Variants in GPR137B observed in about 807,000 individuals in gnomAD.
GPR137B encodes integral membrane protein GPR137B.
A neutral mutation model predicts 42.5 loss-of-function variants in GPR137B; 42 were observed. The observed-to-expected ratio is 0.99, with a 90% CI of 0.77 to 1.28. The LOEUF (loss-of-function observed/expected upper bound fraction) is 1.28. GPR137B is among the 50% of genes most tolerant of loss of function. The probability of loss-of-function intolerance (pLI) is 0.00; values close to 1 mark genes in which losing one functional copy is unlikely to be tolerated. For synonymous variants in GPR137B, 218 were observed against 209.7 expected, an observed-to-expected ratio of 1.04 and a Z score of -0.34; for missense variants, 487 against 493.9, an observed-to-expected ratio of 0.99 and a Z score of 0.13.
At chr1:236,159,244 A>C (rs190705901) in intron 1 of GPR137B, among the ~76,000 whole-genome samples, 1 of 152,284 alleles carries the variant, frequency 6.6e-6, no homozygotes, top group Admixed American at 6.5e-5. Context: ...GCCCAGGAAG[A>C]TGGAGGCTGC....
intron 4 of GPR137B, among the ~76,000 whole-genome samples, chr1:236,180,861 C>T (rs1424753380): frequency 6.6e-6 from 1 of 152,106 alleles, no homozygotes; most frequent in African/African-American, 2.4e-5. Context: ...AGGTGATCCA[C>T]CTGCCTCGGC....
intron 1 of GPR137B, 35 bp downstream of exon 1, chr1:236,143,071 T>G: frequency 6.4e-7 from 1 of 1,558,762 alleles, no homozygotes; most frequent in Non-Finnish European, 8.7e-7. Context: ...GGCGCTCACC[T>G]GGCGGGGTGG....
chr1:236,207,595 T>C (rs1663700728), intron 6 of GPR137B, among the ~76,000 whole-genome samples: 1 of 152,232 alleles, frequency 6.6e-6, no homozygotes, highest in Non-Finnish European at 1.5e-5. Context: ...ATTAACTATA[T>C]ATTAGACACT....
rs1287239635 is a variant in GPR137B at position 236,150,493 on chromosome 1, C to T, written c.414+7457C>T. 6.6e-6 allele frequency among the ~76,000 whole-genome samples: 1 copy of T among 152,174 alleles called. No individual in the cohort carries two copies. Among genetic ancestry groups the T allele is most frequent in the African/African-American group, 2.4e-5 (1 of 41,426 alleles). ...TTCTCTCTGCAGCTGAGGCTGTGAC[C>T]GCATCAGTGCCTCGGTGATGCCCTG... is the stretch of plus-strand genomic sequence containing the variant. On this transcript the variant is annotated intron_variant, in intron 1 of 6. Transcript: ENST00000366592. This position sits in a 1 kb window ranked among gnomAD's most constrained non-coding sequence, Gnocchi z 6.2.
Position 236,155,979 on chromosome 1 carries a change from ACG to A in GPR137B, c.415-12717_415-12716del, listed in dbSNP as rs1173726472. 6.6e-6 allele frequency among the ~76,000 whole-genome samples: 1 copy of A among 152,146 alleles called. No individual in the cohort carries two copies. The highest frequency in any genetic ancestry group is 2.4e-5 in the African/African-American group (1 of 41,430). ...CACAAACGCACACACATGCACACAC[ACG>A]CGCGCGCGCAAACACACATGCATAC... On this transcript the variant is annotated intron_variant, in intron 1 of 6. Coordinates refer to ENST00000366592, the MANE Select transcript of GPR137B (RefSeq NM_003272.4). The surrounding 1 kb of genome is among the most constrained non-coding windows in gnomAD (Gnocchi z 4.6).
Position 236,191,273 on chromosome 1 carries a change from A to C in GPR137B, c.966+7367A>C, listed in dbSNP as rs531654544. Reference sequence around the variant, plus strand: ...TTTTCAAGGTTCTTAGCTTCCTTGCATTGGGTTAGAACATGCTTCTTTAGC... The same window carrying C: ...TTTTCAAGGTTCTTAGCTTCCTTGCCTTGGGTTAGAACATGCTTCTTTAGC... On this transcript the variant is annotated intron_variant, in intron 5 of 6. Coordinates refer to ENST00000366592, the MANE Select transcript of GPR137B (RefSeq NM_003272.4). Among the ~76,000 whole-genome samples, 85 of 152,160 alleles carry C rather than the reference A, an allele frequency of 5.6e-4. 3 individuals carry two copies. In the South Asian group the frequency reaches 0.018, roughly 32 times the overall value.
Position 236,142,706 on chromosome 1 carries a change from G to T in GPR137B, c.84G>T (p.Ser28=). The T allele has an allele frequency of 6.3e-7, 1 of 1,598,536 alleles. No homozygotes were observed. Among genetic ancestry groups the T allele is most frequent in the African/African-American group, 1.3e-5 (1 of 74,696 alleles). The change falls in exon 1 of 7, where the codon TCG becomes TCT. Residue 28 remains serine (S), a synonymous_variant. Coordinates refer to ENST00000366592, the MANE Select transcript of GPR137B (RefSeq NM_003272.4). ...CGTGGGACCCAGCCCGCAACGACTC[G>T]CTGCCGCCCACGCTGACCCCGGCCG... ...TPPWDPARND[S]LPPTLTPAVP... is the part of the protein sequence containing the mutation.
rs1663316392 is a variant in GPR137B at position 236,195,803 on chromosome 1, G to T, written c.967-9323G>T. On this transcript the variant is annotated intron_variant, in intron 5 of 6. Coordinates refer to ENST00000366592, the MANE Select transcript of GPR137B (RefSeq NM_003272.4). Reference sequence around the variant, plus strand: ...TTAGATATAAGCGATTATAACTGCAGTGAGGTAATATCTCACTGTAGTTTT... The same window carrying T: ...TTAGATATAAGCGATTATAACTGCATTGAGGTAATATCTCACTGTAGTTTT... Among the ~76,000 whole-genome samples, 4 of 152,304 alleles carry T rather than the reference G, an allele frequency of 2.6e-5. No homozygotes were observed. The South Asian group carries it at 6.2e-4, about 24-fold the overall frequency.
intron 4 of GPR137B, 125 bp from the exon 5 acceptor site, chr1:236,183,653 C>A: frequency 1.6e-6 from 1 of 614,812 alleles, no homozygotes; most frequent in Non-Finnish European, 2.8e-6. Context: ...GTAGTACATT[C>A]TAAAATATAG....
At chr1:236,148,073 C>CT (rs1308017121) in intron 1 of GPR137B, among the ~76,000 whole-genome samples, 2 of 152,236 alleles carry the variant, frequency 1.3e-5, no homozygotes, top group African/African-American at 4.8e-5. Flanking sequence ...GGGACCAAGG[C>CT]TTTGCACCAA....
intron 5 of GPR137B, among the ~76,000 whole-genome samples, chr1:236,203,955 G>A (rs1041631341): frequency 9.2e-5 from 14 of 152,112 alleles, no homozygotes; most frequent in Non-Finnish European, 2.1e-4. Context: ...AGGACTTCCA[G>A]TACTATGTTT....
At chr1:236,146,925 C>T (rs556840487) in intron 1 of GPR137B, among the ~76,000 whole-genome samples, 3 of 152,256 alleles carry the variant, frequency 2.0e-5, no homozygotes, top group East Asian at 1.9e-4. Context: ...TCTCCTGCCT[C>T]GGCCTCCTTA....
intron 2 of GPR137B, among the ~76,000 whole-genome samples, chr1:236,177,302 C>G (rs1662716397): frequency 6.6e-6 from 1 of 152,112 alleles, no homozygotes; most frequent in South Asian, 2.1e-4. Context: ...TCCCCTGCCC[C>G]TCTCTGTCTC....
rs762287985 is a variant in GPR137B at position 236,208,155 on chromosome 1, G to A, written c.1197G>A (p.Gly399=). ...STLDPDKPSL[G] is the part of the protein sequence containing the mutation. Reference sequence around the variant, plus strand: ...TGGATCCTGACAAACCAAGCCTTGGGTAGCATCAGTTAACAGTTTTATGGA... The same window carrying A: ...TGGATCCTGACAAACCAAGCCTTGGATAGCATCAGTTAACAGTTTTATGGA... The change falls in exon 7 of 7, where the codon GGG becomes GGA. Residue 399 remains glycine, a synonymous_variant. Transcript: ENST00000366592. 1.1e-5 allele frequency: 17 copies of A among 1,613,554 alleles called. No individual in the cohort carries two copies. The East Asian group carries it at 2.9e-4, about 28-fold the overall frequency.
intron 1 of GPR137B, among the ~76,000 whole-genome samples, chr1:236,166,292 T>G (rs1271818506): frequency 6.6e-6 from 1 of 151,872 alleles, no homozygotes; most frequent in Non-Finnish European, 1.5e-5. Context: ...AGAGGTTGTT[T>G]GGTAACGTTT....
chr1:236,154,777 C>T (rs1319520821), intron 1 of GPR137B, among the ~76,000 whole-genome samples: 2 of 152,084 alleles, frequency 1.3e-5, no homozygotes, highest in South Asian at 4.1e-4. Context: ...GTTTTTGCAT[C>T]GTTTGCCAGC....
rs1370729036 is a variant in GPR137B at position 236,155,288 on chromosome 1, A to G, written c.414+12252A>G. ...GAACTTCAAGTCATGGAGCTGTCAAAGTAGAAGCAGCTTAATGAATATTTG... is the reference window on the plus strand; with the variant it reads ...GAACTTCAAGTCATGGAGCTGTCAAGGTAGAAGCAGCTTAATGAATATTTG... On this transcript the variant is annotated intron_variant, in intron 1 of 6. Coordinates refer to ENST00000366592, the MANE Select transcript of GPR137B (RefSeq NM_003272.4). This position sits in a 1 kb window ranked among gnomAD's most constrained non-coding sequence, Gnocchi z 4.6. 6.6e-6 allele frequency among the ~76,000 whole-genome samples: 1 copy of G among 152,224 alleles called. No homozygotes were observed. Among genetic ancestry groups the G allele is most frequent in the African/African-American group, 2.4e-5 (1 of 41,462 alleles).
At chr1:236,145,380 AC>A (rs1176439493) in intron 1 of GPR137B, among the ~76,000 whole-genome samples, 13 of 152,338 alleles carry the variant, frequency 8.5e-5, no homozygotes, top group African/African-American at 2.4e-4. Flanking sequence ...GAAGGGGCTG[AC>A]AGCTAACAAT....
chr1:236,176,546 GC>G lies in GPR137B; in HGVS notation c.465-1866del, dbSNP rs1469780196. Among the ~76,000 whole-genome samples the G allele has an allele frequency of 2.6e-5, 4 of 152,298 alleles. No individual in the cohort carries two copies. In the East Asian group the frequency reaches 7.7e-4, roughly 30 times the overall value. On this transcript the variant is annotated intron_variant, in intron 2 of 6. Transcript: ENST00000366592. ...TCTCTCAGCACGAGCCTGATGAGCA[GC>G]CAGCCCCCAGCACAGGGCTGTGCAG...
Sources: allele counts gnomAD v4.1 joint callset (sites outside exome capture counted in the v4.1 genomes callset), GRCh38; gene constraint gnomAD v4.1.1; non-coding constraint Gnocchi (gnomAD v3.1); transcripts MANE v1.5; gene names NCBI Gene and HGNC (gene_info 2026-07-23, HGNC 2026-07-21).